Variants in DLGAP2 observed in about 807,000 individuals in gnomAD.
DLGAP2 encodes DLG associated protein 2.
DLGAP2 carries 26 observed loss-of-function variants against 100.3 expected under a neutral mutation model. That is an observed-to-expected ratio of 0.26 (90% CI 0.19 to 0.36). The LOEUF is 0.36. Ranked by LOEUF, DLGAP2 falls within the 10% of genes least tolerant of loss-of-function variation. The pLI is 1.00. For missense variants in DLGAP2, 1,858 were observed against 1,453.2 expected, an observed-to-expected ratio of 1.28 and a Z score of -4.53; for synonymous variants, 886 against 630.1, an observed-to-expected ratio of 1.41 and a Z score of -6.08.
At chr8:1,158,235 T>C (rs1034379837) in intron 2 of DLGAP2, among the ~76,000 whole-genome samples, 1 of 152,242 alleles carries the variant, frequency 6.6e-6, no homozygotes, top group Non-Finnish European at 1.5e-5. Context: ...ATATAACTTT[T>C]TGAATTAAAA....
At chr8:1,595,498 C>G (rs1161037132) in intron 6 of DLGAP2, among the ~76,000 whole-genome samples, 1 of 149,458 alleles carries the variant, frequency 6.7e-6, no homozygotes, top group Non-Finnish European at 1.5e-5. Flanking sequence ...CCCGTCTCTA[C>G]TAAAAATACA....
chr8:1,411,085 G>A (rs768542892), intron 3 of DLGAP2, among the ~76,000 whole-genome samples: 1 of 152,048 alleles, frequency 6.6e-6, no homozygotes, highest in African/African-American at 2.4e-5. Flanking sequence ...ACCTGCATAC[G>A]CCAGTTGTTC....
At chr8:1,567,307 G>A (rs991193144) in intron 6 of DLGAP2, among the ~76,000 whole-genome samples, 8 of 152,208 alleles carry the variant, frequency 5.3e-5, no homozygotes, top group African/African-American at 1.9e-4. Context: ...AACGTCTTCT[G>A]GGGAAAAGCA....
At chr8:1,132,479 G>C (rs977031047) in intron 2 of DLGAP2, among the ~76,000 whole-genome samples, 5 of 152,230 alleles carry the variant, frequency 3.3e-5, no homozygotes, top group African/African-American at 1.2e-4. Flanking sequence ...TTAAAAGACT[G>C]ATCTGCAGCA....
chr8:1,251,473 C>G (rs1014018431), intron 2 of DLGAP2, among the ~76,000 whole-genome samples: 2 of 152,216 alleles, frequency 1.3e-5, no homozygotes, highest in African/African-American at 4.8e-5. Flanking sequence ...GGGTCTCTGT[C>G]TGTCCCCAGG....
intron 3 of DLGAP2, among the ~76,000 whole-genome samples, chr8:1,342,017 C>T (rs913134765): frequency 6.6e-6 from 1 of 152,078 alleles, no homozygotes; most frequent in African/African-American, 2.4e-5. Context: ...ATGGTGTGAT[C>T]TCAGGTCACT....
intron 3 of DLGAP2, among the ~76,000 whole-genome samples, chr8:1,489,428 C>T (rs1563179142): frequency 1.3e-5 from 2 of 152,312 alleles, no homozygotes; most frequent in East Asian, 3.9e-4. Flanking sequence ...GAACAGCAGT[C>T]ACTCGGGGCT....
chr8:940,046 C>T (rs141055760), intron 2 of DLGAP2, among the ~76,000 whole-genome samples: 81 of 152,092 alleles, frequency 5.3e-4, no homozygotes, highest in Middle Eastern at 6.8e-3. Context: ...TGGAAAGCTT[C>T]TTTGGCTGCT....
At chr8:874,606 A>G (rs754071695) in intron 1 of DLGAP2, among the ~76,000 whole-genome samples, 3 of 152,322 alleles carry the variant, frequency 2.0e-5, no homozygotes, top group African/African-American at 4.8e-5. Context: ...TATTTTTAAT[A>G]ATAGGTTTGT....
At chr8:873,631 C>T (rs1797638933) in intron 1 of DLGAP2, among the ~76,000 whole-genome samples, 1 of 151,894 alleles carries the variant, frequency 6.6e-6, no homozygotes, top group South Asian at 2.1e-4. Flanking sequence ...CATCTTTAGC[C>T]TTTTTTTCTT....
intron 1 of DLGAP2, among the ~76,000 whole-genome samples, chr8:890,500 C>G (rs537779389): frequency 2.0e-5 from 3 of 152,014 alleles, no homozygotes; most frequent in Admixed American, 2.0e-4. Flanking sequence ...GTTCTTATTC[C>G]TCTGCTCCGC....
intron 1 of DLGAP2, among the ~76,000 whole-genome samples, chr8:801,274 A>G (rs1365209068): frequency 6.6e-6 from 1 of 152,234 alleles, no homozygotes. Flanking sequence ...AGTTTAAGGA[A>G]ATAAGAAAAG....
At chr8:1,385,519 AGAACTTGGTGCACAATTACCCG>A (rs1796197395) in intron 3 of DLGAP2, among the ~76,000 whole-genome samples, 6 of 30,972 alleles carry the variant, frequency 1.9e-4, no homozygotes, top group African/African-American at 8.9e-4. Flanking sequence ...CCGTCCCCTG[AGAACTTGGTGCACAATTACCCG>A]GCCTGTGCCC....
At chr8:1,540,814 G>A (rs180928981) in intron 4 of DLGAP2, among the ~76,000 whole-genome samples, 1 of 152,258 alleles carries the variant, frequency 6.6e-6, no homozygotes, top group Admixed American at 6.5e-5. Flanking sequence ...GGATAATACA[G>A]TTCCACCTTT....
chr8:1,261,816 T>A (rs937691815), intron 3 of DLGAP2, among the ~76,000 whole-genome samples: 1 of 152,142 alleles, frequency 6.6e-6, no homozygotes, highest in Admixed American at 6.5e-5. Context: ...GCGCAGAGAG[T>A]GGAATCTGAA....
intron 1 of DLGAP2, among the ~76,000 whole-genome samples, chr8:896,573 G>A (rs1228040020): frequency 6.6e-6 from 1 of 152,082 alleles, no homozygotes; most frequent in Non-Finnish European, 1.5e-5. Flanking sequence ...TGGAGGGTGG[G>A]GCCCTGGGGG....
At chr8:1,563,943 A>T (rs1802285797) in intron 5 of DLGAP2, among the ~76,000 whole-genome samples, 1 of 152,210 alleles carries the variant, frequency 6.6e-6, no homozygotes, top group African/African-American at 2.4e-5. Flanking sequence ...CAAGGAAAAA[A>T]AATACCCTGT....
At chr8:1,039,776 G>A (rs1802262421) in intron 2 of DLGAP2, among the ~76,000 whole-genome samples, 5 of 130,298 alleles carry the variant, frequency 3.8e-5, no homozygotes, top group South Asian at 2.7e-4. Flanking sequence ...GTGTGTGGTT[G>A]GCTCGGTATG....
intron 3 of DLGAP2, among the ~76,000 whole-genome samples, chr8:1,308,032 A>T (rs1449638965): frequency 6.6e-6 from 1 of 152,200 alleles, no homozygotes; most frequent in East Asian, 1.9e-4. Context: ...TTCCAAAAAG[A>T]ACCCATGTAC....
Sources: gnomAD v4.1 joint callset for allele counts (sites outside exome capture counted in the v4.1 genomes callset) on GRCh38, gnomAD v4.1.1 for gene constraint, MANE v1.5 for transcripts, NCBI Gene and HGNC (gene_info 2026-07-23, HGNC 2026-07-21) for gene names.